POLR3A: variants seen among roughly 807,000 people sequenced by gnomAD.
POLR3A encodes DNA-directed RNA polymerase III subunit RPC1.
POLR3A carries 112 observed loss-of-function variants against 152.8 expected under a neutral mutation model. That is an observed-to-expected ratio of 0.73 (90% confidence interval 0.63 to 0.86). POLR3A has a LOEUF of 0.86. POLR3A is among the 40% of genes least tolerant of loss of function. The pLI, the probability that POLR3A is intolerant of heterozygous loss-of-function variation, is 0.00. For synonymous variants in POLR3A, 615 were observed against 652.1 expected (o/e 0.94, Z 0.87); for missense variants, 1,385 against 1,743.1 (o/e 0.79, Z 3.66).
intron 2 of POLR3A, 109 bp downstream of exon 2, chr10:78,025,985 G>C (rs954428472): frequency 4.0e-5 from 55 of 1,382,944 alleles, no homozygotes; most frequent in African/African-American, 2.9e-4. Flanking sequence ...ATATGTGCAG[G>C]GGGGAATTGA....
intron 14 of POLR3A, 150 bp from the exon 15 acceptor site, chr10:78,008,016 A>AGGGG: frequency 6.8e-6 from 1 of 147,728 alleles, no homozygotes; most frequent in Non-Finnish European, 1.3e-5. Flanking sequence ...TTTTGGGGGG[A>AGGGG]GGGAGGGGGG....
intron 5 of POLR3A, 87 bp from the exon 6 acceptor site, chr10:78,022,471 CCTAT>C: frequency 7.3e-7 from 1 of 1,363,152 alleles, no homozygotes; most frequent in Admixed American, 1.7e-5. Flanking sequence ...TGTTTTCTAA[CCTAT>C]CTGTCACTAA....
chr10:78,013,227 T>C (rs1052793486), intron 11 of POLR3A: 12 of 283,602 alleles, frequency 4.2e-5, no homozygotes, highest in Non-Finnish European at 7.5e-5. Flanking sequence ...ATTCAGAATG[T>C]TCAATAAAAT....
At chr10:77,999,535 T>G (rs978005142) in intron 19 of POLR3A, among the ~76,000 whole-genome samples, 1 of 152,178 alleles carries the variant, frequency 6.6e-6, no homozygotes, top group Non-Finnish European at 1.5e-5. Flanking sequence ...GGAAATGCTT[T>G]CCTTCTAAGC....
At chr10:77,979,029 CCTCAAACTCCTGGG>C (rs1413835271) in intron 30 of POLR3A, among the ~76,000 whole-genome samples, 1 of 151,928 alleles carries the variant, frequency 6.6e-6, no homozygotes, top group Admixed American at 6.6e-5. Context: ...CCCAGCCTGG[CCTCAAACTCCTGGG>C]CTCAAGTGAT....
intron 5 of POLR3A, 131 bp downstream of exon 5, chr10:78,024,418 C>A: frequency 1.0e-5 from 7 of 691,526 alleles, no homozygotes; most frequent in Non-Finnish European, 1.8e-5. Flanking sequence ...TCGAACCTAA[C>A]TGGACCTCTC....
intron 10 of POLR3A, among the ~76,000 whole-genome samples, chr10:78,014,499 C>T (rs1359632338): frequency 6.6e-6 from 1 of 152,098 alleles, no homozygotes; most frequent in Non-Finnish European, 1.5e-5. Context: ...TCACTGCAAC[C>T]TCTGTCTCCC....
rs183716292 is a variant in POLR3A at position 77,990,442 on chromosome 10, T to A, written c.2901+612A>T. The stretch of plus-strand genomic sequence containing the variant: ...AGATAGAGTAGGTAGTAGGCTGGTG[T>A]TAGGGACAGCGCTCAAACAAAATCA... On this transcript the variant is annotated intron_variant, in intron 21 of 30. Transcript: ENST00000372371. Among the ~76,000 whole-genome samples, 31 of 152,244 alleles carry A rather than the reference T, an allele frequency of 2.0e-4. 1 individual carries two copies. Among genetic ancestry groups the A allele is most frequent in the African/African-American group, 7.2e-4 (30 of 41,558 alleles).
At chr10:78,010,565 G>A in intron 11 of POLR3A, 25 bp from the exon 12 acceptor site, 2 of 1,584,368 alleles carry the variant, frequency 1.3e-6, no homozygotes, top group Non-Finnish European at 1.7e-6. Flanking sequence ...AGCGCAGTCA[G>A]TTAGCTGTTC....
rs542663038 is a variant in POLR3A, at chr10:77,997,513, T to A, written c.2616+2468A>T. 2.0e-4 allele frequency among the ~76,000 whole-genome samples: 31 copies of A among 151,802 alleles called. No homozygotes were observed. The South Asian group carries it at 6.2e-3, about 31-fold the overall frequency. On this transcript the variant is annotated intron_variant, in intron 19 of 30. Transcript: ENST00000372371. The stretch of plus-strand genomic sequence containing the variant: ...AATCACAAGCATTCTTATACACCAA[T>A]AACAGACAGAGAGCCAAATCATGAG...
chr10:77,982,899 T>G, intron 26 of POLR3A, 82 bp from the exon 27 acceptor site: 1 of 1,341,604 alleles, frequency 7.5e-7, no homozygotes, highest in Non-Finnish European at 1.1e-6. Flanking sequence ...AAGAAGTCCT[T>G]TTAGTCAGGT....
At chr10:78,025,368 C>A (rs560501916) in intron 3 of POLR3A, among the ~76,000 whole-genome samples, 3 of 152,224 alleles carry the variant, frequency 2.0e-5, no homozygotes, top group African/African-American at 7.2e-5. Context: ...TTTCTTTGTG[C>A]TATTCTGTAT....
chr10:78,014,094 T>G (rs1475584855), intron 10 of POLR3A, among the ~76,000 whole-genome samples: 1 of 150,712 alleles, frequency 6.6e-6, no homozygotes, highest in Non-Finnish European at 1.5e-5. Flanking sequence ...GAGGTGGAGG[T>G]TGCAGTGAGC....
rs1847586078 is a variant in POLR3A at position 78,022,163 on chromosome 10, T to C, written c.867A>G (p.Leu289=). Residue 289 remains leucine, a synonymous_variant, in exon 6 of 31, where the codon CTA becomes CTG. Transcript: ENST00000372371. ...LTMKLTEIIF[L]NDVIKKHRIS... ...CACTGACCTTTTTAATAACATCGTT[T>C]AGGAAAATGATTTCTGTCAGTTTCA... 4 of 1,614,100 alleles carry C rather than the reference T, an allele frequency of 2.5e-6. No individual in the cohort carries two copies. The highest frequency in any genetic ancestry group is 1.7e-5 in the Admixed American group (1 of 60,008).
At chr10:78,025,986 G>C (rs985764501) in intron 2 of POLR3A, 108 bp downstream of exon 2, 2 of 1,386,100 alleles carry the variant, frequency 1.4e-6, no homozygotes, top group Non-Finnish European at 2.0e-6. Context: ...TATGTGCAGG[G>C]GGGAATTGAG....
intron 15 of POLR3A, 81 bp downstream of exon 15, chr10:78,007,620 CA>C: frequency 1.7e-6 from 2 of 1,166,334 alleles, no homozygotes; most frequent in Non-Finnish European, 2.6e-6. Flanking sequence ...GATGAAATGG[CA>C]GTAAAAGAAC....
intron 15 of POLR3A, among the ~76,000 whole-genome samples, chr10:78,007,291 G>A (rs1847420729): frequency 1.3e-5 from 2 of 152,108 alleles, no homozygotes; most frequent in South Asian, 4.1e-4. Flanking sequence ...CAAAGCATGA[G>A]CAAACAAACA....
chr10:77,996,604 T>TA (rs2131939350), intron 19 of POLR3A, among the ~76,000 whole-genome samples: 1 of 151,988 alleles, frequency 6.6e-6, no homozygotes, highest in African/African-American at 2.4e-5. Context: ...CTCCCAAGAC[T>TA]AAACCAGGAA....
chr10:78,002,234 G>A lies in POLR3A; in HGVS notation c.2322C>T (p.Ser774=), dbSNP rs915254009. 8 of 1,601,092 alleles carry A rather than the reference G, an allele frequency of 5.0e-6. No individual in the cohort carries two copies. In the Admixed American group the frequency reaches 5.2e-5, roughly 10 times the overall value. ...ACAGAGCCATGGTGAGGGGGCTGTTGCTCTTGTCCAGCTCCCGGAGGCAGG... is the reference window on the plus strand; with the variant it reads ...ACAGAGCCATGGTGAGGGGGCTGTTACTCTTGTCCAGCTCCCGGAGGCAGG... ...GSACLRELDK[S]NSPLTMALCG... The change falls in exon 17 of 31, where the codon AGC becomes AGT. Residue 774 remains serine, a synonymous_variant. Transcript: ENST00000372371.
Sources: allele counts gnomAD v4.1 joint callset (sites outside exome capture counted in the v4.1 genomes callset), GRCh38; gene constraint gnomAD v4.1.1; transcripts MANE v1.5; gene names NCBI Gene and HGNC (gene_info 2026-07-23, HGNC 2026-07-21).